NOL4: variants seen among roughly 807,000 people sequenced by gnomAD.
NOL4 encodes nucleolar protein 4.
In NOL4, 17 loss-of-function variants were observed where a neutral mutation model predicts 75.9. That is an observed-to-expected ratio of 0.22 (90% CI 0.15 to 0.34). The LOEUF (loss-of-function observed/expected upper bound fraction) is 0.34. Among genes scored for constraint, NOL4 ranks in the 10% least tolerant of loss-of-function variants. The probability of loss-of-function intolerance (pLI) is 1.00; values close to 1 mark genes in which losing one functional copy is unlikely to be tolerated. For synonymous variants in NOL4, 292 were observed against 289.9 expected, an observed-to-expected ratio of 1.01 and a Z score of -0.07; for missense variants, 614 against 793.5, an observed-to-expected ratio of 0.77 and a Z score of 2.72.
intron 8 of NOL4, among the ~76,000 whole-genome samples, chr18:33,950,066 G>T (rs2069107864): frequency 6.6e-6 from 1 of 151,598 alleles, no homozygotes; most frequent in Admixed American, 6.6e-5. Flanking sequence ...TGTACATTAT[G>T]ATGTAGATTT....
intron 6 of NOL4, among the ~76,000 whole-genome samples, chr18:34,000,329 G>C (rs2146217470): frequency 6.6e-6 from 1 of 151,074 alleles, no homozygotes; most frequent in South Asian, 2.1e-4. Context: ...ATTGTAGATT[G>C]TCAATGTCAG....
At chr18:34,072,626 A>G (rs942116478) in intron 5 of NOL4, among the ~76,000 whole-genome samples, 10 of 152,214 alleles carry the variant, frequency 6.6e-5, no homozygotes, top group African/African-American at 2.4e-4. Context: ...AATACCACAC[A>G]AAACAACTGT....
chr18:34,130,090 G>T (rs2080569992), intron 1 of NOL4, 70 bp from the exon 2 acceptor site: 1 of 1,350,322 alleles, frequency 7.4e-7, no homozygotes, highest in South Asian at 2.0e-5. Flanking sequence ...TACACAAATT[G>T]TTTAAAACAA....
intron 6 of NOL4, among the ~76,000 whole-genome samples, chr18:33,989,222 A>T: frequency 7.1e-6 from 1 of 140,254 alleles, no homozygotes; most frequent in Non-Finnish European, 1.5e-5. Flanking sequence ...AAAAAAAATC[A>T]TTGGCAAGTC....
intron 10 of NOL4, among the ~76,000 whole-genome samples, chr18:33,874,631 T>C (rs74735272): frequency 0.023 from 3,475 of 152,074 alleles, 139 homozygotes; most frequent in African/African-American, 0.079. Context: ...AGAGTCACTA[T>C]AAACTTAGCC....
At chr18:33,924,145 C>G (rs1266287384) in intron 9 of NOL4, among the ~76,000 whole-genome samples, 1 of 152,210 alleles carries the variant, frequency 6.6e-6, no homozygotes, top group Non-Finnish European at 1.5e-5. Flanking sequence ...TCAAGCTGCT[C>G]TATTCAGCCT....
At chr18:34,134,319 G>A (rs2080793010) in intron 1 of NOL4, among the ~76,000 whole-genome samples, 1 of 151,640 alleles carries the variant, frequency 6.6e-6, no homozygotes, top group Non-Finnish European at 1.5e-5. Flanking sequence ...ATGCTCAAGA[G>A]CAACCACTAA....
intron 5 of NOL4, among the ~76,000 whole-genome samples, chr18:34,023,914 A>G (rs867879210): frequency 2.0e-4 from 30 of 152,096 alleles, no homozygotes; most frequent in South Asian, 6.2e-4. Flanking sequence ...ATGAATTAGT[A>G]GAGACCCTAG....
chr18:34,105,455 C>T (rs1030135779), intron 2 of NOL4, among the ~76,000 whole-genome samples: 13 of 151,800 alleles, frequency 8.6e-5, no homozygotes, highest in Non-Finnish European at 1.5e-4. Flanking sequence ...TACAGATGTC[C>T]TAGTGAATTT....
At chr18:34,006,646 CTGGGATTTCATA>C (rs1377426426) in intron 6 of NOL4, among the ~76,000 whole-genome samples, 1 of 152,000 alleles carries the variant, frequency 6.6e-6, no homozygotes, top group Admixed American at 6.6e-5. Flanking sequence ...CATTATCTAC[CTGGGATTTCATA>C]TAGCATTGCT....
chr18:34,027,425 AAC>A (rs1390437571), intron 5 of NOL4, among the ~76,000 whole-genome samples: 1 of 152,198 alleles, frequency 6.6e-6, no homozygotes, highest in African/African-American at 2.4e-5. Context: ...CTCCAAGGAG[AAC>A]ACCTCTTCCT....
chr18:34,203,123 G>T (rs949170506), intron 1 of NOL4, among the ~76,000 whole-genome samples: 60 of 151,926 alleles, frequency 3.9e-4, no homozygotes, highest in African/African-American at 1.4e-3. Flanking sequence ...ACAAACTATT[G>T]AAACAAATGA....
intron 5 of NOL4, among the ~76,000 whole-genome samples, chr18:34,029,786 A>T: frequency 6.6e-6 from 1 of 152,312 alleles, no homozygotes; most frequent in Non-Finnish European, 1.5e-5. Context: ...TGGATTGAGC[A>T]TTATTTTCTA....
chr18:33,912,248 A>G (rs1242844331), intron 9 of NOL4, among the ~76,000 whole-genome samples: 1 of 152,004 alleles, frequency 6.6e-6, no homozygotes, highest in Non-Finnish European at 1.5e-5. Flanking sequence ...CTTTTTGTAA[A>G]TCTAAACTTT....
chr18:33,860,513 T>C (rs1727723022), intron 10 of NOL4, among the ~76,000 whole-genome samples: 3 of 152,196 alleles, frequency 2.0e-5, no homozygotes, highest in African/African-American at 4.8e-5. Flanking sequence ...AAGTTGCTTA[T>C]CAGCTTAAGG....
chr18:34,080,555 A>G (rs1284830694), intron 5 of NOL4, among the ~76,000 whole-genome samples: 1 of 152,198 alleles, frequency 6.6e-6, no homozygotes, highest in Non-Finnish European at 1.5e-5. Flanking sequence ...CACACAGGTT[A>G]TATCACAGAA....
At chr18:33,953,716 G>A (rs2145692647) in intron 8 of NOL4, among the ~76,000 whole-genome samples, 1 of 152,262 alleles carries the variant, frequency 6.6e-6, no homozygotes, top group East Asian at 1.9e-4. Flanking sequence ...AGAATATAGA[G>A]TTCAGTGTGA....
chr18:34,016,509 T>C (rs968332617), intron 6 of NOL4, among the ~76,000 whole-genome samples: 7 of 152,110 alleles, frequency 4.6e-5, no homozygotes, highest in Non-Finnish European at 8.8e-5. Flanking sequence ...TGTTCTCTGC[T>C]GCAGCCATGC....
chr18:34,114,253 A>C (rs2079745180), intron 2 of NOL4, among the ~76,000 whole-genome samples: 1 of 152,202 alleles, frequency 6.6e-6, no homozygotes, highest in South Asian at 2.1e-4. Flanking sequence ...GTTTCACTTG[A>C]AAATGTATTC....
Sources: allele counts gnomAD v4.1 joint callset (sites outside exome capture counted in the v4.1 genomes callset), GRCh38; gene constraint gnomAD v4.1.1; transcripts MANE v1.5; gene names NCBI Gene and HGNC (gene_info 2026-07-23, HGNC 2026-07-21).